The following PHACTR3 variants were observed in gnomAD, a reference collection of about 807,000 sequenced individuals.
PHACTR3 encodes protein phosphatase 1, regulatory subunit 123.
Under a neutral mutation model 66.8 loss-of-function variants are expected in PHACTR3, and 16 were observed. The observed-to-expected ratio is 0.24, with a 90% CI of 0.16 to 0.36. The LOEUF (loss-of-function observed/expected upper bound fraction) is 0.36. PHACTR3 is among the 10% of genes least tolerant of loss of function. The pLI, the probability that PHACTR3 is intolerant of heterozygous loss-of-function variation, is 1.00. For missense variants in PHACTR3, 647 were observed against 719.9 expected (o/e 0.90, Z 1.16); for synonymous variants, 323 against 292.1 (o/e 1.11, Z -1.08).
chr20:59,612,223 T>C (rs2033874421), intron 1 of PHACTR3, among the ~76,000 whole-genome samples: 1 of 152,286 alleles, frequency 6.6e-6, no homozygotes, highest in Middle Eastern at 3.4e-3. Flanking sequence ...AGAAAACTCT[T>C]TAACACAGGG....
At chr20:59,808,675 C>G (rs747895071) in intron 8 of PHACTR3, among the ~76,000 whole-genome samples, 65 of 152,360 alleles carry the variant, frequency 4.3e-4, no homozygotes, top group Admixed American at 8.5e-4. Context: ...CCCTGAGTCA[C>G]TGGAGACCCT....
Position 59,695,144 on chromosome 20 carries a change from G to A in PHACTR3, c.119-47963G>A, listed in dbSNP as rs916144605. Reference sequence around the variant, plus strand: ...AGTTTATTACCATAATTTTTCCTACGGGTACCTGTGTAAATATAGAAACTG... The same window carrying A: ...AGTTTATTACCATAATTTTTCCTACAGGTACCTGTGTAAATATAGAAACTG... On this transcript the variant is annotated intron_variant, in intron 1 of 12. Transcript: ENST00000371015. Among the ~76,000 whole-genome samples the A allele has an allele frequency of 1.3e-4, 20 of 152,094 alleles. No homozygotes were observed. The East Asian group carries it at 2.5e-3, about 19-fold the overall frequency.
chr20:59,807,652 A>G (rs950293492), intron 8 of PHACTR3, among the ~76,000 whole-genome samples: 3 of 152,192 alleles, frequency 2.0e-5, no homozygotes, highest in African/African-American at 7.2e-5. Context: ...GCAGCACAGT[A>G]GGTTTTTTCA....
At chr20:59,794,892 T>G (rs1336959931) in intron 7 of PHACTR3, among the ~76,000 whole-genome samples, 1 of 152,128 alleles carries the variant, frequency 6.6e-6, no homozygotes, top group Non-Finnish European at 1.5e-5. Flanking sequence ...AATGTTCCAT[T>G]TTTCATCTCT....
intron 1 of PHACTR3, among the ~76,000 whole-genome samples, chr20:59,594,664 G>C (rs1600879375): frequency 6.6e-6 from 1 of 152,216 alleles, no homozygotes; most frequent in South Asian, 2.1e-4. Flanking sequence ...TTAGTAACTT[G>C]TGTCCTCTCA....
chr20:59,839,797 G>A (rs1485781951), intron 9 of PHACTR3, among the ~76,000 whole-genome samples: 2 of 152,162 alleles, frequency 1.3e-5, no homozygotes, highest in African/African-American at 2.4e-5. Flanking sequence ...GAGAGTCAGC[G>A]AGGTTCATAG....
chr20:59,630,826 C>T (rs2034634288), intron 1 of PHACTR3, among the ~76,000 whole-genome samples: 1 of 151,658 alleles, frequency 6.6e-6, no homozygotes, highest in African/African-American at 2.4e-5. Context: ...GAAATGTTGA[C>T]TCAGGGGCAG....
chr20:59,815,638 T>C (rs2041866994), intron 8 of PHACTR3, among the ~76,000 whole-genome samples: 1 of 152,102 alleles, frequency 6.6e-6, no homozygotes, highest in South Asian at 2.1e-4. Flanking sequence ...TTGGCCAGGA[T>C]GGTCTTGATC....
intron 8 of PHACTR3, among the ~76,000 whole-genome samples, chr20:59,818,017 A>C (rs550275395): frequency 6.6e-6 from 1 of 152,306 alleles, no homozygotes; most frequent in South Asian, 2.1e-4. Flanking sequence ...CAGCAGCGGA[A>C]GCCTCCAGGG....
intron 1 of PHACTR3, among the ~76,000 whole-genome samples, chr20:59,643,644 A>G (rs2035182041): frequency 6.6e-6 from 1 of 152,332 alleles, no homozygotes; most frequent in East Asian, 1.9e-4. Context: ...TCCCAGTGGG[A>G]GAATTAATCC....
chr20:59,724,517 T>C (rs983452477), intron 1 of PHACTR3, among the ~76,000 whole-genome samples: 18 of 152,138 alleles, frequency 1.2e-4, no homozygotes, highest in African/African-American at 4.3e-4. Context: ...ATGAGTTCCA[T>C]GCTTTGTAAT....
rs188167662 is a variant in PHACTR3 at position 59,795,569 on chromosome 20, G to T, written c.1175-10472G>T. ...TTGACTGGATGATCTGTCCATTGCTGAAGTAAGGTGTTGATATCACCTGCT... is the reference window on the plus strand; with the variant it reads ...TTGACTGGATGATCTGTCCATTGCTTAAGTAAGGTGTTGATATCACCTGCT... On this transcript the variant is annotated intron_variant, in intron 7 of 12. Transcript: ENST00000371015. Among the ~76,000 whole-genome samples, 41 of 152,180 alleles carry T rather than the reference G, an allele frequency of 2.7e-4. 1 individual carries two copies. Among genetic ancestry groups the T allele is most frequent in the Admixed American group, 2.6e-3 (40 of 15,296 alleles).
chr20:59,598,686 C>A (rs1343104), intron 1 of PHACTR3, among the ~76,000 whole-genome samples: 66,350 of 152,002 alleles, frequency 0.44, 14,765 homozygotes, highest in East Asian at 0.52. Context: ...TGGGTAGTCT[C>A]TGGTCACAGC....
At position 59,605,151 on chromosome 20, in the gene PHACTR3, GCGGCGGGC is replaced by G; in HGVS notation, c.118+20_118+27del. 3 of 1,296,926 alleles carry G rather than the reference GCGGCGGGC, an allele frequency of 2.3e-6. No individual in the cohort carries two copies. The highest frequency in any genetic ancestry group is 2.0e-6 in the Non-Finnish European group (2 of 1,012,480). 80.3% of individuals were successfully genotyped at this position (1,296,926 alleles called of 1,614,324 possible). ...AACCCAGGTAACGGGCTGGGCGGGG[GCGGCGGGC>G]GGGTCGGGGAGGCCCGAGGCAGGTG... On this transcript the variant is annotated intron_variant, in intron 1 of 12. Coordinates refer to ENST00000371015, the MANE Select transcript of PHACTR3 (RefSeq NM_080672.5).
intron 1 of PHACTR3, among the ~76,000 whole-genome samples, chr20:59,679,007 A>T (rs1193392541): frequency 6.6e-6 from 1 of 152,192 alleles, no homozygotes; most frequent in African/African-American, 2.4e-5. Flanking sequence ...TTCCCAGGTG[A>T]TGCTGACGCC....
intron 7 of PHACTR3, among the ~76,000 whole-genome samples, chr20:59,789,180 GGCATCTTCCT>G (rs2041015995): frequency 2.0e-5 from 3 of 152,304 alleles, no homozygotes; most frequent in Admixed American, 2.0e-4. Context: ...TTCTGGGGGA[GGCATCTTCCT>G]GCAGGGTGCA....
intron 4 of PHACTR3, among the ~76,000 whole-genome samples, chr20:59,757,072 G>A (rs2039824364): frequency 6.6e-6 from 1 of 152,252 alleles, no homozygotes; most frequent in Non-Finnish European, 1.5e-5. Context: ...CTCAAAAGAA[G>A]ATATTTATGC....
In PHACTR3 at chr20:59,741,306, T is replaced by C. The variant is rs1303735022; in HGVS notation, c.119-1801T>C. Among the ~76,000 whole-genome samples, 4 of 152,326 alleles carry C rather than the reference T, an allele frequency of 2.6e-5. No individual in the cohort carries two copies. The East Asian group carries it at 5.8e-4, about 22-fold the overall frequency. On this transcript the variant is annotated intron_variant, in intron 1 of 12. Coordinates refer to ENST00000371015, the MANE Select transcript of PHACTR3 (RefSeq NM_080672.5). ...TGAGCCAGCTGTCGGGGAGTGTGTA[T>C]GTTCGCAGGGCGAGGGGTCCTGGCA...
At chr20:59,597,405 G>A (rs2033356258) in intron 1 of PHACTR3, among the ~76,000 whole-genome samples, 1 of 152,154 alleles carries the variant, frequency 6.6e-6, no homozygotes, top group East Asian at 1.9e-4. Context: ...AAAAGCATGA[G>A]GTTCCTGCCT....
Sources: allele counts gnomAD v4.1 joint callset (sites outside exome capture counted in the v4.1 genomes callset), GRCh38; gene constraint gnomAD v4.1.1; transcripts MANE v1.5; gene names NCBI Gene and HGNC (gene_info 2026-07-23, HGNC 2026-07-21).